HECW1: variants seen among roughly 807,000 people sequenced by gnomAD.
HECW1 encodes the protein E3 ubiquitin-protein ligase HECW1.
In HECW1, 61 loss-of-function variants were observed where a neutral mutation model predicts 182.3. The observed-to-expected ratio is 0.33, with a 90% CI of 0.27 to 0.41. HECW1 has a LOEUF of 0.41. Among genes scored for constraint, HECW1 ranks in the 10% least tolerant of loss-of-function variants. The pLI, the probability that HECW1 is intolerant of heterozygous loss-of-function variation, is 1.00. For synonymous variants in HECW1, 859 were observed against 832.6 expected, an observed-to-expected ratio of 1.03 and a Z score of -0.55; for missense variants, 1,739 against 2,108.9, an observed-to-expected ratio of 0.82 and a Z score of 3.44.
chr7:43,275,075 C>T (rs1055219634), intron 3 of HECW1, among the ~76,000 whole-genome samples: 1 of 152,046 alleles, frequency 6.6e-6, no homozygotes, highest in African/African-American at 2.4e-5. Flanking sequence ...AATAACAGAG[C>T]AAAGTACTCA....
intron 2 of HECW1, among the ~76,000 whole-genome samples, chr7:43,171,515 A>G (rs1470514819): frequency 6.6e-6 from 1 of 152,104 alleles, no homozygotes; most frequent in African/African-American, 2.4e-5. Context: ...GGCTCCAAGG[A>G]AAGGACAATG....
At chr7:43,124,410 A>C (rs951771331) in intron 2 of HECW1, among the ~76,000 whole-genome samples, 3 of 152,242 alleles carry the variant, frequency 2.0e-5, no homozygotes, top group Non-Finnish European at 4.4e-5. Context: ...GTGAGATTTG[A>C]AAATTAGCTA....
At chr7:43,171,999 C>T (rs2152668020) in intron 2 of HECW1, among the ~76,000 whole-genome samples, 1 of 151,948 alleles carries the variant, frequency 6.6e-6, no homozygotes, top group South Asian at 2.1e-4. Flanking sequence ...AATAAAAATC[C>T]AGGCACAGTG....
Position 43,445,044 on chromosome 7 carries a change from T to TC in HECW1, c.1874dup (p.Gly626ArgfsTer49). Reference sequence around the variant, plus strand: ...ACAGAGAAGAGCCCGAGGGGGCTACTCCAGGCACGGCGCACCCTGGCCACT... The same window carrying TC: ...ACAGAGAAGAGCCCGAGGGGGCTACTCCCAGGCACGGCGCACCCTGGCCACT... On this transcript the variant is annotated frameshift_variant, in exon 11 of 30. Coordinates refer to ENST00000395891, the MANE Select transcript of HECW1 (RefSeq NM_015052.5). LOFTEE classifies it high-confidence loss of function. The TC allele has an allele frequency of 1.3e-6, 2 of 1,575,910 alleles. No individual in the cohort carries two copies. Among genetic ancestry groups the TC allele is most frequent in the Non-Finnish European group, 1.7e-6 (2 of 1,160,776 alleles).
intron 6 of HECW1, among the ~76,000 whole-genome samples, chr7:43,361,333 G>C (rs967737705): frequency 2.6e-5 from 4 of 152,072 alleles, no homozygotes; most frequent in African/African-American, 9.7e-5. Context: ...TAATTGTTTG[G>C]TTTTAAATAT....
chr7:43,503,346 C>G (rs2079445502), intron 21 of HECW1, among the ~76,000 whole-genome samples: 1 of 152,170 alleles, frequency 6.6e-6, no homozygotes, highest in South Asian at 2.1e-4. Context: ...TGTAGGACTG[C>G]ATGATGGTCT....
At chr7:43,279,632 T>C (rs189855101) in intron 3 of HECW1, among the ~76,000 whole-genome samples, 1 of 152,326 alleles carries the variant, frequency 6.6e-6, no homozygotes, top group Non-Finnish European at 1.5e-5. Context: ...CTTGTCCCCA[T>C]TTCATTTGTT....
intron 8 of HECW1, among the ~76,000 whole-genome samples, chr7:43,431,560 A>G (rs1042759648): frequency 6.6e-6 from 1 of 152,078 alleles, no homozygotes; most frequent in Non-Finnish European, 1.5e-5. Context: ...TGACCCATCT[A>G]TGGGCCACCC....
intron 2 of HECW1, among the ~76,000 whole-genome samples, chr7:43,143,404 C>G (rs753670954): frequency 3.9e-5 from 6 of 152,206 alleles, no homozygotes; most frequent in Non-Finnish European, 8.8e-5. Flanking sequence ...CCACCTCAGC[C>G]TCCTGAGTAG....
intron 3 of HECW1, among the ~76,000 whole-genome samples, chr7:43,284,502 C>CAAAAAA (rs1165081149): frequency 2.0e-4 from 11 of 53,782 alleles, no homozygotes; most frequent in African/African-American, 5.0e-4. Context: ...CCCATTTCTA[C>CAAAAAA]AAAAAAAAAA....
Position 43,416,137 on chromosome 7 carries a change from GT to G in HECW1, c.801+8412del, listed in dbSNP as rs1029362335. Among the ~76,000 whole-genome samples, 203 of 151,066 alleles carry G rather than the reference GT, an allele frequency of 1.3e-3. 2 individuals are homozygous for G. Among genetic ancestry groups the G allele is most frequent in the African/African-American group, 4.6e-3 (189 of 41,072 alleles). On this transcript the variant is annotated intron_variant, in intron 8 of 29. Coordinates refer to ENST00000395891, the MANE Select transcript of HECW1 (RefSeq NM_015052.5). ...TTAGAGTTTCCAGTTTTTCTGTTCTGTTTTTTCCCGATCTTTGTGGTTTTAT... is the reference window on the plus strand; with the variant it reads ...TTAGAGTTTCCAGTTTTTCTGTTCTGTTTTTCCCGATCTTTGTGGTTTTAT...
At chr7:43,249,925 G>A (rs1239694162) in intron 3 of HECW1, among the ~76,000 whole-genome samples, 1 of 152,050 alleles carries the variant, frequency 6.6e-6, no homozygotes, top group African/African-American at 2.4e-5. Flanking sequence ...AATGTTCTGC[G>A]GCAGTCTCAG....
chr7:43,502,069 C>T (rs894183424), intron 21 of HECW1, among the ~76,000 whole-genome samples: 4 of 152,150 alleles, frequency 2.6e-5, no homozygotes, highest in Admixed American at 1.3e-4. Flanking sequence ...AGGTTACTGT[C>T]CCTGCTCTAA....
rs143094492 is a variant in HECW1 at position 43,358,917 on chromosome 7, C to T, written c.461-1969C>T. Among the ~76,000 whole-genome samples the T allele has an allele frequency of 3.8e-3, 556 of 146,714 alleles. 4 individuals are homozygous for T. Among genetic ancestry groups the T allele is most frequent in the Admixed American group, 5.5e-3 (81 of 14,710 alleles). On this transcript the variant is annotated intron_variant, in intron 5 of 29. Coordinates refer to ENST00000395891, the MANE Select transcript of HECW1 (RefSeq NM_015052.5). ...TTGGCTCACTGCCACCTCCACCTCC[C>T]GGGTTCCAGCAATTCTCCTGCTTCA...
intron 2 of HECW1, among the ~76,000 whole-genome samples, chr7:43,178,742 A>G (rs1792511059): frequency 6.6e-6 from 1 of 152,348 alleles, no homozygotes; most frequent in South Asian, 2.1e-4. Flanking sequence ...TTGGGCAGCA[A>G]GGGGGACTGT....
At chr7:43,364,367 AT>A (rs1379731615) in intron 6 of HECW1, among the ~76,000 whole-genome samples, 1 of 152,186 alleles carries the variant, frequency 6.6e-6, no homozygotes, top group Non-Finnish European at 1.5e-5. Context: ...GCTCTCATTT[AT>A]TGTATATCAG....
chr7:43,492,216 G>T, intron 18 of HECW1, 36 bp downstream of exon 18: 1 of 1,387,272 alleles, frequency 7.2e-7, no homozygotes, highest in Non-Finnish European at 1.0e-6. Context: ...CTGGCTCAAA[G>T]AATAGCAACA....
chr7:43,412,817 T>C (rs910591830), intron 8 of HECW1, among the ~76,000 whole-genome samples: 3 of 151,064 alleles, frequency 2.0e-5, no homozygotes, highest in African/African-American at 7.3e-5. Flanking sequence ...TATTCCATGG[T>C]GTATAAGTGC....
chr7:43,176,000 ATTC>A (rs763064459), intron 2 of HECW1, among the ~76,000 whole-genome samples: 2 of 152,204 alleles, frequency 1.3e-5, no homozygotes, highest in Non-Finnish European at 2.9e-5. Flanking sequence ...CTTTTGGATA[ATTC>A]TTCTCAGTGA....
Sources: gnomAD v4.1 joint callset for allele counts (sites outside exome capture counted in the v4.1 genomes callset) on GRCh38, gnomAD v4.1.1 for gene constraint, MANE v1.5 for transcripts, NCBI Gene and HGNC (gene_info 2026-07-23, HGNC 2026-07-21) for gene names.